The following GDPD4 variants were observed in gnomAD, a reference collection of about 807,000 sequenced individuals.
GDPD4 encodes the protein glycerophosphodiester phosphodiesterase domain containing 4, also known as glycerophosphodiester phosphodiesterase 6.
A neutral mutation model predicts 67.8 loss-of-function variants in GDPD4; 60 were observed. The ratio of observed to expected loss-of-function variants is 0.88; its 90% confidence interval spans 0.72 to 1.10. The LOEUF is 1.10. Among genes scored for constraint, GDPD4 ranks in the 50% least tolerant of loss-of-function variants. The probability of loss-of-function intolerance (pLI) is 0.00; values close to 1 mark genes in which losing one functional copy is unlikely to be tolerated. For missense variants in GDPD4, 623 were observed against 613.9 expected (o/e 1.01, Z -0.16); for synonymous variants, 212 against 210.9 (o/e 1.00, Z -0.04).
At chr11:77,261,760 C>T (rs142121286) in intron 10 of GDPD4, among the ~76,000 whole-genome samples, 2 of 152,264 alleles carry the variant, frequency 1.3e-5, no homozygotes, top group South Asian at 2.1e-4. Context: ...TCAGTTTTCC[C>T]ACCAACTCAG....
chr11:77,230,623 T>C (rs1168268993), intron 14 of GDPD4, among the ~76,000 whole-genome samples: 4 of 152,208 alleles, frequency 2.6e-5, no homozygotes, highest in African/African-American at 9.6e-5. Flanking sequence ...AACATAGAAC[T>C]CGATCAGCAG....
intron 2 of GDPD4, among the ~76,000 whole-genome samples, chr11:77,286,679 G>T (rs1036921756): frequency 3.9e-5 from 6 of 152,140 alleles, no homozygotes; most frequent in African/African-American, 1.2e-4. Context: ...CTCACCAAAG[G>T]GTTCCAACAT....
At chr11:77,296,369 G>C (rs1321049748) in intron 1 of GDPD4, among the ~76,000 whole-genome samples, 3 of 147,618 alleles carry the variant, frequency 2.0e-5, no homozygotes, top group African/African-American at 7.5e-5. Context: ...TGCTCAAGCT[G>C]AAGTGGAATG....
In GDPD4 at chr11:77,286,577, T is replaced by C. The variant is rs1480808723; in HGVS notation, c.-51+641A>G. ...ACTGGTCTGATTCTGGGACCCTAGT[T>C]GGACCATGTTTACAAATAAGTAAAG... On this transcript the variant is annotated intron_variant, in intron 2 of 16. Coordinates refer to ENST00000315938, the MANE Select transcript of GDPD4 (RefSeq NM_182833.3). 2.6e-5 allele frequency among the ~76,000 whole-genome samples: 4 copies of C among 152,358 alleles called. No individual in the cohort carries two copies. In the East Asian group the frequency reaches 7.7e-4, roughly 29 times the overall value.
rs189377599 is a variant in GDPD4, at chr11:77,274,827, G to A, written c.207+1334C>T. On this transcript the variant is annotated intron_variant, in intron 5 of 16. Coordinates refer to ENST00000315938, the MANE Select transcript of GDPD4 (RefSeq NM_182833.3). ...TGCCTGATGTTCTCACTCATATTTG[G>A]GAGGTAAAAAAGTTGATCTCATGGA... Among the ~76,000 whole-genome samples, 208 of 152,218 alleles carry A rather than the reference G, an allele frequency of 1.4e-3. 2 individuals are homozygous for A. The highest frequency in any genetic ancestry group is 4.9e-3 in the African/African-American group (202 of 41,524).
At chr11:77,249,664 G>C (rs370438537) in intron 11 of GDPD4, among the ~76,000 whole-genome samples, 10 of 152,154 alleles carry the variant, frequency 6.6e-5, no homozygotes, top group Non-Finnish European at 1.5e-4. Flanking sequence ...ACCAGTGCTC[G>C]GGTAGGAAAA....
chr11:77,297,063 A>AAC (rs1004478204), intron 1 of GDPD4, among the ~76,000 whole-genome samples: 2 of 139,808 alleles, frequency 1.4e-5, no homozygotes, highest in South Asian at 2.1e-4. Context: ...AAAAAAACAA[A>AAC]AAAAAAAAAA....
At chr11:77,290,629 G>T (rs1019114588) in intron 1 of GDPD4, among the ~76,000 whole-genome samples, 1 of 152,018 alleles carries the variant, frequency 6.6e-6, no homozygotes, top group South Asian at 2.1e-4. Context: ...TGAGAGGGAA[G>T]CTTATACCAA....
intron 3 of GDPD4, among the ~76,000 whole-genome samples, chr11:77,283,403 G>C (rs1302250122): frequency 6.6e-6 from 1 of 152,066 alleles, no homozygotes; most frequent in African/African-American, 2.4e-5. Context: ...GTAAGCCCCA[G>C]GACTTTGATA....
chr11:77,281,358 G>T (rs771957574), intron 3 of GDPD4, among the ~76,000 whole-genome samples: 1 of 151,954 alleles, frequency 6.6e-6, no homozygotes, highest in Non-Finnish European at 1.5e-5. Context: ...AGATACCATC[G>T]ATGGTGGAGG....
chr11:77,284,204 T>C (rs749892435), intron 3 of GDPD4, among the ~76,000 whole-genome samples: 1 of 152,224 alleles, frequency 6.6e-6, no homozygotes, highest in African/African-American at 2.4e-5. Flanking sequence ...AAGTGTATTA[T>C]AGCATCTGTC....
In GDPD4 at chr11:77,271,373, A is replaced by T. The variant is rs771428465; in HGVS notation, c.228T>A (p.Ile76=). 6.2e-7 allele frequency: 1 copy of T among 1,612,444 alleles called. No homozygotes were observed. Among genetic ancestry groups the T allele is most frequent in the South Asian group, 1.1e-5 (1 of 91,058 alleles). ...LCHKILILLV[I]LLCVILMFII... Reference sequence around the variant, plus strand: ...TGAACATTAAAATGACACACAGAAGAATCACTAGCAGAATCAGGATCTAGG... The same window carrying T: ...TGAACATTAAAATGACACACAGAAGTATCACTAGCAGAATCAGGATCTAGG... The change falls in exon 6 of 17, where the codon ATT becomes ATA. Residue 76 remains isoleucine (I), a synonymous_variant. Coordinates refer to ENST00000315938, the MANE Select transcript of GDPD4 (RefSeq NM_182833.3).
At position 77,243,761 on chromosome 11, in the gene GDPD4, T is replaced by C; in HGVS notation, c.1174A>G (p.Thr392Ala). Residue 392 changes from threonine (T) to alanine (A), a missense_variant, in exon 13 of 17, where the codon ACC (threonine) becomes GCC (alanine). Thr to Ala is a moderately conservative substitution (Grantham distance 58). Coordinates refer to ENST00000315938, the MANE Select transcript of GDPD4 (RefSeq NM_182833.3). ...QHVGRLVSIETLAKNNISIIN... is the reference protein window; with the variant it reads ...QHVGRLVSIEALAKNNISIIN... ...ATACTGATATTGTTTTTAGCAAGGG[T>C]TTCAATGGATACTAAACGGCCCACA... The C allele has an allele frequency of 6.2e-7, 1 of 1,611,784 alleles. No individual in the cohort carries two copies. The highest frequency in any genetic ancestry group is 1.1e-5 in the South Asian group (1 of 91,004).
At chr11:77,232,585 G>C (rs1185872019) in intron 14 of GDPD4, among the ~76,000 whole-genome samples, 1 of 152,186 alleles carries the variant, frequency 6.6e-6, no homozygotes, top group African/African-American at 2.4e-5. Flanking sequence ...TTGGAGTCAA[G>C]TACGCTTGGT....
Position 77,227,872 on chromosome 11 carries a change from G to A in GDPD4, c.1517C>T (p.Thr506Ile), listed in dbSNP as rs1007397666. Residue 506 changes from threonine to isoleucine, a missense_variant, in exon 16 of 17, where the codon ACT becomes ATT. Coordinates refer to ENST00000315938, the MANE Select transcript of GDPD4 (RefSeq NM_182833.3). ...TAGGCCTCTGACTTTACCTGTGCGAGTGCTGGAGGTTTCAAACAATTTTTC... is the reference window on the plus strand; with the variant it reads ...TAGGCCTCTGACTTTACCTGTGCGAATGCTGGAGGTTTCAAACAATTTTTC... ...EKEKLFETSS[T>I]RTDTQSGSKN... 5.6e-6 allele frequency: 9 copies of A among 1,612,898 alleles called. No homozygotes were observed. The highest frequency in any genetic ancestry group is 1.7e-5 in the Admixed American group (1 of 60,020).
intron 10 of GDPD4, 67 bp downstream of exon 10, chr11:77,268,390 G>C (rs1959188564): frequency 2.8e-6 from 3 of 1,080,556 alleles, no homozygotes; most frequent in Non-Finnish European, 4.3e-6. Flanking sequence ...CTCAGGCCAG[G>C]CTGGTTCTCT....
intron 14 of GDPD4, among the ~76,000 whole-genome samples, chr11:77,230,339 C>T (rs1284726287): frequency 6.6e-6 from 1 of 152,130 alleles, no homozygotes; most frequent in Non-Finnish European, 1.5e-5. Flanking sequence ...TTAGATGCTG[C>T]TTAAATTTGT....
intron 12 of GDPD4, 94 bp downstream of exon 12, chr11:77,245,187 G>C: frequency 1.2e-6 from 1 of 844,118 alleles, no homozygotes; most frequent in Non-Finnish European, 2.0e-6. Flanking sequence ...GGATCCCAGG[G>C]TAGATGTACA....
At chr11:77,218,966 A>ACTGT (rs1231696655) in intron 16 of GDPD4, among the ~76,000 whole-genome samples, 1 of 152,308 alleles carries the variant, frequency 6.6e-6, no homozygotes, top group East Asian at 1.9e-4. Context: ...GAATCGCCAC[A>ACTGT]CTGTCTTCCA....
Sources: allele counts gnomAD v4.1 joint callset (sites outside exome capture counted in the v4.1 genomes callset), GRCh38; gene constraint gnomAD v4.1.1; transcripts MANE v1.5; gene names NCBI Gene and HGNC (gene_info 2026-07-23, HGNC 2026-07-21).